RAVER1: variants seen among roughly 807,000 people sequenced by gnomAD.
RAVER1 encodes the protein ribonucleoprotein, PTB binding 1, also known as ribonucleoprotein PTB-binding 1.
Under a neutral mutation model 68.4 loss-of-function variants are expected in RAVER1, and 36 were observed. The observed-to-expected ratio is 0.53, with a 90% CI of 0.40 to 0.70. The LOEUF is 0.70. RAVER1 is among the 30% of genes least tolerant of loss of function. RAVER1 has a pLI of 0.00. For missense variants in RAVER1, 933 were observed against 1,019.8 expected (o/e 0.91, Z 1.16); for synonymous variants, 469 against 472.7 (o/e 0.99, Z 0.10).
At chr19:10,320,367 G>A (rs2040426744) in intron 9 of RAVER1, among the ~76,000 whole-genome samples, 1 of 151,958 alleles carries the variant, frequency 6.6e-6, no homozygotes, top group African/African-American at 2.4e-5. Flanking sequence ...AGCTGGGCAT[G>A]GAGGTGCGTG....
At chr19:10,318,403 G>C in intron 10 of RAVER1, 31 bp from the exon 11 acceptor site, 1 of 1,551,912 alleles carries the variant, frequency 6.4e-7, no homozygotes, top group East Asian at 2.4e-5. Flanking sequence ...GAGTGAAGCA[G>C]ACAATTGTAG....
Position 10,321,038 on chromosome 19 carries a change from A to AGGGCC in RAVER1, c.1473+5_1473+9dup. The AGGGCC allele has an allele frequency of 7.0e-7, 1 of 1,435,610 alleles. No homozygotes were observed. Among genetic ancestry groups the AGGGCC allele is most frequent in the South Asian group, 1.6e-5 (1 of 62,732 alleles). The allele number at this position is 1,435,610 out of a possible 1,614,324, so 88.9% of individuals were successfully genotyped here. ...GCTGGTGTGGTGCCGCGCGCAGGGCAGGGCCTTACCCCAGGGGGCGTCGGC... is the reference window on the plus strand; with the variant it reads ...GCTGGTGTGGTGCCGCGCGCAGGGCAGGGCCGGGCCTTACCCCAGGGGGCGTCGGC... On this transcript the variant is annotated intron_variant, in intron 8 of 12. Transcript: ENST00000617231.
At chr19:10,327,046 A>C (rs1053568932) in intron 3 of RAVER1, among the ~76,000 whole-genome samples, 7 of 151,484 alleles carry the variant, frequency 4.6e-5, no homozygotes, top group African/African-American at 1.7e-4. Flanking sequence ...CTGGGATTAC[A>C]TGCATGAGCC....
Position 10,323,940 on chromosome 19 carries a change from G to A in RAVER1, c.757-374C>T, listed in dbSNP as rs1378131584. 6.6e-6 allele frequency among the ~76,000 whole-genome samples: 1 copy of A among 152,092 alleles called. No individual in the cohort carries two copies. Among genetic ancestry groups the A allele is most frequent in the African/African-American group, 2.4e-5 (1 of 41,404 alleles). ...GAGGCGGGCAGATAACCTGAGGTCG[G>A]GAGTTCGAGACCAGCCTGACCAACA... On this transcript the variant is annotated intron_variant, in intron 3 of 12. Coordinates refer to ENST00000617231, the MANE Select transcript of RAVER1 (RefSeq NM_133452.3). The surrounding 1 kb of genome is among the most constrained non-coding windows in gnomAD (Gnocchi z 6.2).
rs779342707 is a variant in RAVER1 at position 10,322,107 on chromosome 19, CTA to C, written c.1174-491_1174-490del. 1.2e-5 allele frequency: 2 copies of C among 163,206 alleles called. No individual in the cohort carries two copies. Among genetic ancestry groups the C allele is most frequent in the Admixed American group, 1.3e-4 (2 of 15,452 alleles). 10.1% of individuals were successfully genotyped at this position (163,206 alleles called of 1,614,324 possible). On this transcript the variant is annotated intron_variant, in intron 6 of 12. Coordinates refer to ENST00000617231, the MANE Select transcript of RAVER1 (RefSeq NM_133452.3). The surrounding 1 kb of genome is among the most constrained non-coding windows in gnomAD (Gnocchi z 4.3). ...CTGTGTGCATGAGTCTGTCTTGTGT[CTA>C]TATGTGTGTCTGTGTCTATGTGTGT...
Position 10,322,400 on chromosome 19 carries a change from C to G in RAVER1, c.1173+245G>C. ...GCGTGTCCAGGTCCCCTGACCCCACCCCAGGCACCAAGTCCAGGGGCGCTC... is the reference window on the plus strand; with the variant it reads ...GCGTGTCCAGGTCCCCTGACCCCACGCCAGGCACCAAGTCCAGGGGCGCTC... On this transcript the variant is annotated intron_variant, in intron 6 of 12. Transcript: ENST00000617231. This position sits in a 1 kb window ranked among gnomAD's most constrained non-coding sequence, Gnocchi z 4.3. The G allele has an allele frequency of 2.1e-6, 1 of 480,542 alleles. No individual in the cohort carries two copies. Among genetic ancestry groups the G allele is most frequent in the East Asian group, 3.7e-5 (1 of 26,748 alleles). The allele number at this position is 480,542 out of a possible 1,614,324, so 29.8% of individuals were successfully genotyped here. A position where few individuals can be genotyped will look rare whatever the true frequency, so the allele number is the denominator to read the frequency against.
chr19:10,333,457 A>G lies in RAVER1; in HGVS notation c.51T>C (p.Ser17=). The change falls in exon 1 of 13, where the codon TCT becomes TCC. Residue 17 remains serine, a synonymous_variant. Coordinates refer to ENST00000617231, the MANE Select transcript of RAVER1 (RefSeq NM_133452.3). This position sits in a 1 kb window ranked among gnomAD's most constrained non-coding sequence, Gnocchi z 4.2. Reference sequence around the variant, plus strand: ...CATCGCCGGCTTCGACTTCGGCCCCAGACTTAGGGCTCAGCGGGGGCCGGT... The same window carrying G: ...CATCGCCGGCTTCGACTTCGGCCCCGGACTTAGGGCTCAGCGGGGGCCGGT... ...VTHRPPLSPK[S]GAEVEAGDAA... is the part of the protein sequence containing the mutation. 1 of 1,612,228 alleles carries G rather than the reference A, an allele frequency of 6.2e-7. No individual in the cohort carries two copies. The highest frequency in any genetic ancestry group is 1.1e-5 in the South Asian group (1 of 91,076).
intron 3 of RAVER1, among the ~76,000 whole-genome samples, chr19:10,324,848 G>A (rs2040463376): frequency 6.6e-6 from 1 of 152,174 alleles, no homozygotes; most frequent in Non-Finnish European, 1.5e-5. Flanking sequence ...TGGGCTCCTC[G>A]GAGGACATCA....
rs779322319 is a variant in RAVER1 at position 10,321,583 on chromosome 19, G to A, written c.1209C>T (p.Ala403=). ...TGGCTGGCTGGGCCCCAGGCTGGAG[G>A]GCGCCCAGGGGTGAGTCTCCCAGGA... ...PGILGDSPLG[A]LQPGAQPANP... The change falls in exon 7 of 13, where the codon GCC becomes GCT. Residue 403 remains alanine (A), a synonymous_variant. Transcript: ENST00000617231. 10 of 1,387,586 alleles carry A rather than the reference G, an allele frequency of 7.2e-6. No homozygotes were observed. In the African/African-American group the frequency reaches 1.5e-4, roughly 21 times the overall value. 86.0% of individuals were successfully genotyped at this position (1,387,586 alleles called of 1,614,324 possible).
rs1489987147 is a variant in RAVER1 at position 10,323,503 on chromosome 19, T to G, written c.820A>C (p.Met274Leu). 6.2e-7 allele frequency: 1 copy of G among 1,609,058 alleles called. No individual in the cohort carries two copies. Among genetic ancestry groups the G allele is most frequent in the East Asian group, 2.2e-5 (1 of 44,868 alleles). ...FAVLEYETAE[M>L]AEEAQQQADG... The stretch of plus-strand genomic sequence containing the variant: ...GCCTGCTGCTGTGCCTCCTCCGCCA[T>G]CTCAGCCGTCTCATACTCCAGCACC... The change falls in exon 4 of 13, where the codon ATG becomes CTG. Residue 274 changes from methionine to leucine, a missense_variant. Physicochemically the swap from Met to Leu is conservative, Grantham distance 15. Around this residue, in one of 3 missense-constraint regions of RAVER1, gnomAD observed 699 missense variants for 731.1 expected, o/e 0.96. Coordinates refer to ENST00000617231, the MANE Select transcript of RAVER1 (RefSeq NM_133452.3). The surrounding 1 kb of genome is among the most constrained non-coding windows in gnomAD (Gnocchi z 6.2).
In RAVER1 at chr19:10,317,618, G is replaced by A; in HGVS notation, c.2074-18C>T. ...AGTGGGGTCTGGAGACAGAGGGCAG[G>A]GCGGGGCGGGTCAGGGGCCGCTGGG... On this transcript the variant is annotated intron_variant, in intron 12 of 12. Transcript: ENST00000617231. The surrounding 1 kb of genome is among the most constrained non-coding windows in gnomAD (Gnocchi z 4.3). 1.3e-6 allele frequency: 2 copies of A among 1,590,424 alleles called. No individual in the cohort carries two copies. The highest frequency in any genetic ancestry group is 1.7e-6 in the Non-Finnish European group (2 of 1,168,192).
At chr19:10,320,504 T>TGA in intron 9 of RAVER1, 151 bp downstream of exon 9, 1 of 473,924 alleles carries the variant, frequency 2.1e-6, no homozygotes, top group Non-Finnish European at 3.4e-6. Context: ...ACCCTGTCTC[T>TGA]AAAAAAAAAA....
rs2040390810 is a variant in RAVER1 at position 10,316,652 on chromosome 19, A to C, written c.*802T>G. On this transcript the variant is annotated 3_prime_UTR_variant, in exon 13 of 13. Transcript: ENST00000617231. ...AGGGGGTGGTGGGGCCGGTTCGCCA[A>C]GATGAAGGCTTTCCCCTTCTACTGT... The C allele has an allele frequency of 1.2e-6, 1 of 808,750 alleles. No individual in the cohort carries two copies. The highest frequency in any genetic ancestry group is 1.5e-6 in the Non-Finnish European group (1 of 667,844). 50.1% of individuals were successfully genotyped at this position (808,750 alleles called of 1,614,324 possible). A position where few individuals can be genotyped will look rare whatever the true frequency, so the allele number is the denominator to read the frequency against.
chr19:10,332,562 C>T (rs2040529675), intron 1 of RAVER1, among the ~76,000 whole-genome samples: 1 of 152,182 alleles, frequency 6.6e-6, no homozygotes, highest in Admixed American at 6.5e-5. Flanking sequence ...CAGCAGGAAG[C>T]GAGAACCTAT....
In RAVER1 at chr19:10,333,455, C is replaced by A. The variant is rs750496424; in HGVS notation, c.53G>T (p.Gly18Val). Residue 18 changes from glycine (G) to valine (V), a missense_variant, in exon 1 of 13, where the codon GGG becomes GTG. Physicochemically the swap from Gly to Val is moderately radical, Grantham distance 109 (BLOSUM62 -3). This residue lies in a region of RAVER1 where 211 missense variants were observed against 230.0 expected (regional missense o/e 0.92). Transcript: ENST00000617231. The surrounding 1 kb of genome is among the most constrained non-coding windows in gnomAD (Gnocchi z 4.2). ...THRPPLSPKS[G>V]AEVEAGDAAE... Reference sequence around the variant, plus strand: ...GGCATCGCCGGCTTCGACTTCGGCCCCAGACTTAGGGCTCAGCGGGGGCCG... The same window carrying A: ...GGCATCGCCGGCTTCGACTTCGGCCACAGACTTAGGGCTCAGCGGGGGCCG... 20 of 1,612,364 alleles carry A rather than the reference C, an allele frequency of 1.2e-5. No homozygotes were observed. The highest frequency in any genetic ancestry group is 2.2e-5 in the East Asian group (1 of 44,890).
rs187479212 is a variant in RAVER1, at chr19:10,320,643, C to G, written c.1770+12G>C. On this transcript the variant is annotated intron_variant, in intron 9 of 12. Coordinates refer to ENST00000617231, the MANE Select transcript of RAVER1 (RefSeq NM_133452.3). The stretch of plus-strand genomic sequence containing the variant: ...GGCCTTAGGGGACAGAGAGCTGCAG[C>G]CAGGCACTCACCGAGGGGTAGTCGA... 538 of 1,546,164 alleles carry G rather than the reference C, an allele frequency of 3.5e-4. 1 individual carries two copies. In the African/African-American group the frequency reaches 6.9e-3, roughly 20 times the overall value.
chr19:10,318,958 T>C (rs1178499014), intron 10 of RAVER1, among the ~76,000 whole-genome samples: 3 of 152,018 alleles, frequency 2.0e-5, no homozygotes, highest in African/African-American at 2.4e-5. Context: ...AGTGGGAGGA[T>C]TGCTTGAGCC....
At chr19:10,318,655 C>A (rs888795360) in intron 10 of RAVER1, among the ~76,000 whole-genome samples, 1 of 152,162 alleles carries the variant, frequency 6.6e-6, no homozygotes, top group African/African-American at 2.4e-5. Context: ...CCACCATGCC[C>A]GGCAGTTCTG....
At position 10,317,538 on chromosome 19, in the gene RAVER1, T is replaced by A. The variant is rs759968378; in HGVS notation, c.2136A>T (p.Pro712=). 7 of 1,612,950 alleles carry A rather than the reference T, an allele frequency of 4.3e-6. No individual in the cohort carries two copies. In the African/African-American group the frequency reaches 9.3e-5, roughly 22 times the overall value. The part of the protein sequence containing the change: ...AHLLPSPEPS[P]EGSYVGQHSQ... ...AGTGCTGGCCCACATAGCTGCCTTC[T>A]GGGCTGGGCTCGGGCGAGGGCAGCA... Residue 712 remains proline, a synonymous_variant, in exon 13 of 13, where the codon CCA becomes CCT. Transcript: ENST00000617231. This position sits in a 1 kb window ranked among gnomAD's most constrained non-coding sequence, Gnocchi z 4.3.
Sources: gnomAD v4.1 joint callset for allele counts (sites outside exome capture counted in the v4.1 genomes callset) on GRCh38, gnomAD v4.1.1 for gene constraint, gnomAD v4.1.1 regional missense constraint, Gnocchi (gnomAD v3.1) non-coding constraint, MANE v1.5 for transcripts, NCBI Gene and HGNC (gene_info 2026-07-23, HGNC 2026-07-21) for gene names.